The following CDYL2 variants were observed in gnomAD, a reference collection of about 807,000 sequenced individuals.
The protein encoded by CDYL2 is chromodomain Y like 2.
Under a neutral mutation model 49.4 loss-of-function variants are expected in CDYL2, and 23 were observed. The observed-to-expected ratio is 0.47, with a 90% confidence interval of 0.34 to 0.66. The LOEUF is 0.66. Among genes scored for constraint, CDYL2 ranks in the 30% least tolerant of loss-of-function variants. The pLI is 0.01. For missense variants in CDYL2, 678 were observed against 656.4 expected, an observed-to-expected ratio of 1.03 and a Z score of -0.36; for synonymous variants, 360 against 268.8, an observed-to-expected ratio of 1.34 and a Z score of -3.32.
chr16:80,626,409 A>G (rs1170922525), intron 3 of CDYL2, among the ~76,000 whole-genome samples: 1 of 152,122 alleles, frequency 6.6e-6, no homozygotes, highest in Non-Finnish European at 1.5e-5. Flanking sequence ...CTGTAGTAGC[A>G]GGCAATAATA....
chr16:80,742,436 G>GTGGAGGATGGA, intron 1 of CDYL2: 1 of 150,956 alleles, frequency 6.6e-6, no homozygotes, highest in Non-Finnish European at 1.5e-5. Context: ...GGGTAGAAGG[G>GTGGAGGATGGA]TGGAGGATGG....
At chr16:80,728,783 T>A (rs1174723086) in intron 1 of CDYL2, among the ~76,000 whole-genome samples, 3 of 151,016 alleles carry the variant, frequency 2.0e-5, no homozygotes, top group Non-Finnish European at 4.4e-5. Flanking sequence ...CAGAAGAGAG[T>A]GGGGGCCAAT....
At chr16:80,653,729 A>T (rs1908685340) in intron 2 of CDYL2, among the ~76,000 whole-genome samples, 1 of 152,178 alleles carries the variant, frequency 6.6e-6, no homozygotes, top group Non-Finnish European at 1.5e-5. Flanking sequence ...CTATTATTTT[A>T]AAGAATATGT....
chr16:80,697,679 A>C (rs1213993168), intron 1 of CDYL2, among the ~76,000 whole-genome samples: 3 of 152,042 alleles, frequency 2.0e-5, no homozygotes, highest in African/African-American at 7.3e-5. Context: ...AAATCTAAAG[A>C]CTCCACCAAA....
intron 1 of CDYL2, among the ~76,000 whole-genome samples, chr16:80,774,215 T>C (rs576599943): frequency 5.3e-5 from 8 of 152,232 alleles, no homozygotes; most frequent in African/African-American, 1.7e-4. Flanking sequence ...TGGAATACTA[T>C]ATAGACTTTA....
At chr16:80,619,757 C>T (rs993608771) in intron 4 of CDYL2, among the ~76,000 whole-genome samples, 9 of 152,188 alleles carry the variant, frequency 5.9e-5, no homozygotes, top group South Asian at 4.1e-4. Context: ...AGGAAACACA[C>T]GGGTATTTCG....
intron 1 of CDYL2, among the ~76,000 whole-genome samples, chr16:80,703,371 C>G (rs527375372): frequency 6.6e-5 from 10 of 152,236 alleles, no homozygotes; most frequent in Non-Finnish European, 1.3e-4. Flanking sequence ...CACGGCTTGT[C>G]ACATGGTAGA....
intron 1 of CDYL2, among the ~76,000 whole-genome samples, chr16:80,791,645 C>G (rs151174497): frequency 6.6e-6 from 1 of 152,062 alleles, no homozygotes; most frequent in African/African-American, 2.4e-5. Flanking sequence ...GGATTGGTAA[C>G]GGACAGTGTC....
intron 1 of CDYL2, among the ~76,000 whole-genome samples, chr16:80,704,238 T>C (rs1041748145): frequency 6.6e-6 from 1 of 152,326 alleles, no homozygotes; most frequent in African/African-American, 2.4e-5. Context: ...TCAAAATGCA[T>C]AGCACAGAAT....
chr16:80,692,949 G>A (rs1423236957), intron 1 of CDYL2, among the ~76,000 whole-genome samples: 1 of 152,112 alleles, frequency 6.6e-6, no homozygotes, highest in Non-Finnish European at 1.5e-5. Flanking sequence ...AGAATAAATA[G>A]ACCATAGCAT....
rs1555535899 is a variant in CDYL2 at position 80,759,122 on chromosome 16, A to ATATGGTT, written c.24+45027_24+45028insAACCATA. On this transcript the variant is annotated intron_variant, in intron 1 of 6. Transcript: ENST00000570137. ...ATATACTATATATATATATATATAT[A>ATATGGTT]TATATATATATATATATGGTTTATA... 2.1e-3 allele frequency among the ~76,000 whole-genome samples: 273 copies of ATATGGTT among 127,836 alleles called. 4 individuals are homozygous for ATATGGTT. Among genetic ancestry groups the ATATGGTT allele is most frequent in the African/African-American group, 8.7e-3 (262 of 29,966 alleles). The allele number at this position is 127,836 out of a possible 152,430, so 83.9% of individuals were successfully genotyped here.
chr16:80,618,373 C>G (rs1392113180), intron 4 of CDYL2, among the ~76,000 whole-genome samples: 1 of 152,222 alleles, frequency 6.6e-6, no homozygotes, highest in African/African-American at 2.4e-5. Flanking sequence ...CAGAGACGCA[C>G]AGATACCACG....
rs142302606 is a variant in CDYL2 at position 80,626,763 on chromosome 16, G to A, written c.835-5828C>T. Among the ~76,000 whole-genome samples, 709 of 152,234 alleles carry A rather than the reference G, an allele frequency of 4.7e-3. 6 individuals carry two copies. Among genetic ancestry groups the A allele is most frequent in the African/African-American group, 0.016 (675 of 41,528 alleles). On this transcript the variant is annotated intron_variant, in intron 3 of 6. Coordinates refer to ENST00000570137, the MANE Select transcript of CDYL2 (RefSeq NM_152342.4). ...TCATCACGGTGTATGGAAGTTAGGG[G>A]GATACTGGGAAAATACTGTTTTTTA...
chr16:80,681,950 A>C (rs954146018), intron 2 of CDYL2, among the ~76,000 whole-genome samples: 2 of 152,212 alleles, frequency 1.3e-5, no homozygotes, highest in Non-Finnish European at 2.9e-5. Flanking sequence ...AATTAAATTG[A>C]CACCTGATGT....
intron 1 of CDYL2, among the ~76,000 whole-genome samples, chr16:80,801,968 G>A (rs542008557): frequency 5.9e-5 from 9 of 152,182 alleles, no homozygotes; most frequent in African/African-American, 2.2e-4. Context: ...CAAATAATCA[G>A]CCATGGGAAA....
chr16:80,778,002 A>C (rs1484384374), intron 1 of CDYL2, among the ~76,000 whole-genome samples: 1 of 152,066 alleles, frequency 6.6e-6, no homozygotes, highest in Non-Finnish European at 1.5e-5. Context: ...GTGCTATTAA[A>C]TATGGAAATT....
chr16:80,668,011 C>A (rs1276706590), intron 2 of CDYL2, among the ~76,000 whole-genome samples: 1 of 152,202 alleles, frequency 6.6e-6, no homozygotes, highest in African/African-American at 2.4e-5. Context: ...AAGATGCTCA[C>A]CCACATTTAG....
intron 3 of CDYL2, among the ~76,000 whole-genome samples, chr16:80,624,062 C>G (rs114986765): frequency 0.041 from 6,181 of 152,278 alleles, 139 homozygotes; most frequent in Non-Finnish European, 0.048. Context: ...CCCCTCACAC[C>G]CCTGCATACT....
chr16:80,675,521 C>A (rs1416084677), intron 2 of CDYL2, among the ~76,000 whole-genome samples: 4 of 152,190 alleles, frequency 2.6e-5, no homozygotes, highest in Non-Finnish European at 5.9e-5. Flanking sequence ...CCACCATTAT[C>A]ATCATCATTC....
Sources: gnomAD v4.1 joint callset for allele counts (sites outside exome capture counted in the v4.1 genomes callset) on GRCh38, gnomAD v4.1.1 for gene constraint, MANE v1.5 for transcripts, NCBI Gene and HGNC (gene_info 2026-07-23, HGNC 2026-07-21) for gene names.